The following BCKDHB variants were observed in gnomAD, a reference collection of about 807,000 sequenced individuals.
BCKDHB encodes 2-oxoisovalerate dehydrogenase subunit beta, mitochondrial.
Under a neutral mutation model 48.5 loss-of-function variants are expected in BCKDHB, and 41 were observed. That is an observed-to-expected ratio of 0.85 (90% CI 0.66 to 1.10). The LOEUF (loss-of-function observed/expected upper bound fraction) is 1.10. BCKDHB is among the 50% of genes least tolerant of loss of function. BCKDHB has a pLI of 0.00. For missense variants in BCKDHB, 496 were observed against 494.2 expected (o/e 1.00, Z -0.03); for synonymous variants, 201 against 174.8 (o/e 1.15, Z -1.18).
the BCKDHB span, among the ~76,000 whole-genome samples, chr6:80,434,295 C>A: frequency 6.6e-6 from 1 of 151,518 alleles, no homozygotes; most frequent in African/African-American, 2.4e-5. Flanking sequence ...TTCTTAAAAA[C>A]ATACAACAGA....
chr6:80,408,812 A>G, the BCKDHB span, among the ~76,000 whole-genome samples: 6 of 149,200 alleles, frequency 4.0e-5, no homozygotes, highest in Non-Finnish European at 8.9e-5. Context: ...TCAAAAAAAA[A>G]AACCAAACAG....
the BCKDHB span, among the ~76,000 whole-genome samples, chr6:80,418,007 T>C: frequency 1.3e-5 from 2 of 152,200 alleles, no homozygotes; most frequent in African/African-American, 4.8e-5. Context: ...TAATCCCATA[T>C]ATCTTGGAGG....
chr6:80,411,058 A>T, the BCKDHB span, among the ~76,000 whole-genome samples: 15 of 151,938 alleles, frequency 9.9e-5, no homozygotes, highest in South Asian at 2.7e-3. Flanking sequence ...CTTTTCTCCT[A>T]TGGTTTCTTC....
At chr6:80,466,585 A>C in the BCKDHB span, among the ~76,000 whole-genome samples, 1 of 152,210 alleles carries the variant, frequency 6.6e-6, no homozygotes, top group African/African-American at 2.4e-5. Flanking sequence ...ATTTCACAAC[A>C]TAGACATATA....
chr6:80,112,758 C>T lies in BCKDHB; in HGVS notation c.196+5869C>T, dbSNP rs140501292. Among the ~76,000 whole-genome samples, 266 of 152,288 alleles carry T rather than the reference C, an allele frequency of 1.7e-3. 2 individuals are homozygous for T. The highest frequency in any genetic ancestry group is 5.6e-3 in the African/African-American group (233 of 41,568). On this transcript the variant is annotated intron_variant, in intron 1 of 9. Transcript: ENST00000320393. ...GGTTCAGGTCTGGAGTTGGATTCCCCGGGGTGTTCCCCTTTGGGATCCAAT... is the reference window on the plus strand; with the variant it reads ...GGTTCAGGTCTGGAGTTGGATTCCCTGGGGTGTTCCCCTTTGGGATCCAAT...
At chr6:80,198,384 G>A (rs1288952524) in intron 6 of BCKDHB, among the ~76,000 whole-genome samples, 2 of 152,026 alleles carry the variant, frequency 1.3e-5, no homozygotes, top group Admixed American at 6.6e-5. Context: ...TTCCAGGTTT[G>A]TTAGCTTAAT....
the BCKDHB span, among the ~76,000 whole-genome samples, chr6:80,384,399 C>A: frequency 6.6e-6 from 1 of 151,404 alleles, no homozygotes; most frequent in Non-Finnish European, 1.5e-5. Context: ...CGCTCTGTCA[C>A]CCAGGCTGGA....
chr6:80,341,536 A>T lies in BCKDHB; in HGVS notation c.1039-2128A>T, dbSNP rs561251406. Reference sequence around the variant, plus strand: ...TATAGATGTATTCCTGGAAAGAGTGATGCTTGCATTCTTGAGGAGTTAGGA... The same window carrying T: ...TATAGATGTATTCCTGGAAAGAGTGTTGCTTGCATTCTTGAGGAGTTAGGA... On this transcript the variant is annotated intron_variant, in intron 9 of 9. Coordinates refer to ENST00000320393, the MANE Select transcript of BCKDHB (RefSeq NM_183050.4). Among the ~76,000 whole-genome samples, 4 of 152,276 alleles carry T rather than the reference A, an allele frequency of 2.6e-5. No individual in the cohort carries two copies. The South Asian group carries it at 8.3e-4, about 32-fold the overall frequency.
chr6:80,107,568 T>TATGC (rs1255103402), intron 1 of BCKDHB, among the ~76,000 whole-genome samples: 11 of 144,142 alleles, frequency 7.6e-5, no homozygotes, highest in Non-Finnish European at 1.5e-4. Context: ...CATATATATA[T>TATGC]GCATATATGT....
At chr6:80,359,752 G>A in the BCKDHB span, among the ~76,000 whole-genome samples, 222 of 152,080 alleles carry the variant, frequency 1.5e-3, 1 homozygote, top group Middle Eastern at 6.8e-3. Flanking sequence ...GTGCCACCAC[G>A]CCTGGCTAAT....
chr6:80,337,746 T>C (rs1546930), intron 9 of BCKDHB, among the ~76,000 whole-genome samples: 117,955 of 152,016 alleles, frequency 0.78, 46,141 homozygotes, highest in Admixed American at 0.84. Context: ...TTTAAATGTT[T>C]ATTTTCTGAG....
At chr6:80,220,304 G>GTTTTTTTTTTTTTTTTTTTTCTTTTTT (rs56967096) in intron 8 of BCKDHB, among the ~76,000 whole-genome samples, 1 of 60,860 alleles carries the variant, frequency 1.6e-5, no homozygotes, top group Non-Finnish European at 2.9e-5. Context: ...CATGCTATTT[G>GTTTTTTTTTTTTTTTTTTTTCTTTTTT]TTTTTTTTTT....
At chr6:80,155,990 T>TC (rs1554187758) in intron 3 of BCKDHB, among the ~76,000 whole-genome samples, 4 of 151,748 alleles carry the variant, frequency 2.6e-5, no homozygotes, top group Non-Finnish European at 5.9e-5. Flanking sequence ...AAAAATACTT[T>TC]CCCCCCCAAC....
rs9343973 is a variant in BCKDHB at position 80,203,499 on chromosome 6, A to G, written c.951+287A>G. ...GGTTGAATTGTGTGAGTCATAGAGC[A>G]TATCAAGGATGCCGAAGGCACCTGT... On this transcript the variant is annotated intron_variant, in intron 8 of 9. Transcript: ENST00000320393. Among the ~76,000 whole-genome samples the G allele has an allele frequency of 0.36, 55,159 of 151,972 alleles. 11,948 individuals are homozygous for G. The highest frequency in any genetic ancestry group is 0.56 in the East Asian group (2,882 of 5,162).
intron 9 of BCKDHB, among the ~76,000 whole-genome samples, chr6:80,303,650 C>T (rs992654432): frequency 1.9e-4 from 29 of 150,548 alleles, no homozygotes; most frequent in African/African-American, 6.6e-4. Context: ...AAAATCCATG[C>T]GTGTGTGTGT....
rs575991853 is a variant in BCKDHB at position 80,177,225 on chromosome 6, C to CAAAAAAAAA, written c.742+5857_742+5865dup. Among the ~76,000 whole-genome samples the CAAAAAAAAA allele has an allele frequency of 1.9e-3, 82 of 43,172 alleles. 1 individual carries two copies. The highest frequency in any genetic ancestry group is 2.3e-3 in the Non-Finnish European group (57 of 24,366). 28.3% of individuals were successfully genotyped at this position (43,172 alleles called of 152,430 possible). On this transcript the variant is annotated intron_variant, in intron 6 of 9. Coordinates refer to ENST00000320393, the MANE Select transcript of BCKDHB (RefSeq NM_183050.4). ...CCTGGATGACAGTGAGACCTTGTCTCAAAAAAAAAAAAAAAAAAAAAAAAA... is the reference window on the plus strand; with the variant it reads ...CCTGGATGACAGTGAGACCTTGTCTCAAAAAAAAAAAAAAAAAAAAAAAAAAAAAAAAAA...
chr6:80,127,480 G>C, intron 1 of BCKDHB, 67 bp from the exon 2 acceptor site: 1 of 1,289,988 alleles, frequency 7.8e-7, no homozygotes, highest in Admixed American at 1.7e-5. Flanking sequence ...GTAATTAACT[G>C]TTAAGAAACT....
rs1251689451 is a variant in BCKDHB at position 80,171,331 on chromosome 6, G to C, written c.683G>C (p.Cys228Ser). The C allele has an allele frequency of 6.2e-7, 1 of 1,608,886 alleles. No homozygotes were observed. Among genetic ancestry groups the C allele is most frequent in the Non-Finnish European group, 8.5e-7 (1 of 1,177,894 alleles). Residue 228 changes from cysteine (C) to serine (S), a missense_variant, in exon 6 of 10, where the codon TGC (cysteine) becomes TCC (serine). By Grantham distance (112) the Cys-to-Ser change is moderately radical (BLOSUM62 -1). Coordinates refer to ENST00000320393, the MANE Select transcript of BCKDHB (RefSeq NM_183050.4). Reference sequence around the variant, plus strand: ...CAGGCCAAAGGACTTCTTTTGTCATGCATAGAGGATAAAAATCCTTGTATA... The same window carrying C: ...CAGGCCAAAGGACTTCTTTTGTCATCCATAGAGGATAAAAATCCTTGTATA... ...PFQAKGLLLS[C>S]IEDKNPCIFF...
At chr6:80,377,734 T>C in the BCKDHB span, among the ~76,000 whole-genome samples, 1 of 152,238 alleles carries the variant, frequency 6.6e-6, no homozygotes, top group South Asian at 2.1e-4. Flanking sequence ...ATGTTGTTGT[T>C]TTGCAGTAAA....
Sources: allele counts gnomAD v4.1 joint callset (sites outside exome capture counted in the v4.1 genomes callset), GRCh38; gene constraint gnomAD v4.1.1; transcripts MANE v1.5; gene names NCBI Gene and HGNC (gene_info 2026-07-23, HGNC 2026-07-21).